The following ASXL2 variants were observed in gnomAD, a reference collection of about 807,000 sequenced individuals.
ASXL2 encodes the protein ASXL transcriptional regulator 2.
A neutral mutation model predicts 122.0 loss-of-function variants in ASXL2; 23 were observed. The ratio of observed to expected loss-of-function variants is 0.19; its 90% CI spans 0.14 to 0.27. The LOEUF (loss-of-function observed/expected upper bound fraction) is 0.27, where lower values mean the gene tolerates loss of function less well. Ranked by LOEUF, ASXL2 falls within the 10% of genes least tolerant of loss-of-function variation. ASXL2 has a pLI of 1.00. For missense variants in ASXL2, 1,518 were observed against 1,713.8 expected, an observed-to-expected ratio of 0.89 and a Z score of 2.02; for synonymous variants, 650 against 637.0, an observed-to-expected ratio of 1.02 and a Z score of -0.31.
At chr2:25,763,988 C>T (rs573115753) in intron 8 of ASXL2, among the ~76,000 whole-genome samples, 30 of 151,900 alleles carry the variant, frequency 2.0e-4, no homozygotes, top group African/African-American at 7.0e-4. Context: ...AACAACAAAC[C>T]AAAAAAACTT....
intron 5 of ASXL2, among the ~76,000 whole-genome samples, chr2:25,782,427 T>A (rs147664051): frequency 2.0e-3 from 311 of 152,020 alleles, no homozygotes; most frequent in African/African-American, 7.4e-3. Context: ...GCGCCTGTAA[T>A]CCCAACTACT....
intron 1 of ASXL2, among the ~76,000 whole-genome samples, chr2:25,874,872 G>A (rs928783238): frequency 1.3e-5 from 2 of 151,872 alleles, no homozygotes; most frequent in Non-Finnish European, 2.9e-5. Context: ...TTGAGCCCAG[G>A]AGTTTGAGAC....
At chr2:25,843,270 C>T (rs916929297) in intron 2 of ASXL2, among the ~76,000 whole-genome samples, 1 of 149,808 alleles carries the variant, frequency 6.7e-6, no homozygotes, top group Non-Finnish European at 1.5e-5. Flanking sequence ...CCGCTGCACT[C>T]CAGCCTGGGC....
intron 5 of ASXL2, among the ~76,000 whole-genome samples, chr2:25,792,436 A>AT (rs893382272): frequency 6.8e-5 from 6 of 88,818 alleles, no homozygotes; most frequent in East Asian, 2.3e-4. Context: ...TTAACAACAC[A>AT]TTTTTTTGTC....
chr2:25,848,716 G>A (rs2089679978), intron 1 of ASXL2, among the ~76,000 whole-genome samples: 1 of 151,872 alleles, frequency 6.6e-6, no homozygotes, highest in Admixed American at 6.6e-5. Context: ...AAGATGTTCT[G>A]TACTTTAATC....
intron 5 of ASXL2, among the ~76,000 whole-genome samples, chr2:25,776,903 C>T (rs917883193): frequency 6.6e-6 from 1 of 152,124 alleles, no homozygotes; most frequent in Non-Finnish European, 1.5e-5. Flanking sequence ...ATTACCAGGA[C>T]AAACTGCTTA....
chr2:25,848,431 G>A (rs2089675339), intron 1 of ASXL2, among the ~76,000 whole-genome samples: 1 of 151,808 alleles, frequency 6.6e-6, no homozygotes, highest in Non-Finnish European at 1.5e-5. Context: ...GACCATCCTG[G>A]CTAACATGGT....
chr2:25,838,390 A>T (rs1227755691), intron 2 of ASXL2, among the ~76,000 whole-genome samples: 14 of 152,214 alleles, frequency 9.2e-5, no homozygotes, highest in Non-Finnish European at 1.8e-4. Context: ...GTTCCAGTTA[A>T]TAACTTTCCT....
At chr2:25,849,649 A>G (rs910593892) in intron 1 of ASXL2, among the ~76,000 whole-genome samples, 13 of 151,298 alleles carry the variant, frequency 8.6e-5, no homozygotes, top group Non-Finnish European at 1.6e-4. Context: ...TAATTTTTGT[A>G]TTTTTTTGTA....
At chr2:25,832,799 C>T (rs9941574) in intron 3 of ASXL2, among the ~76,000 whole-genome samples, 48,704 of 152,018 alleles carry the variant, frequency 0.32, 8,330 homozygotes, top group African/African-American at 0.41. Context: ...TATCATGCAA[C>T]GGATAAACAG....
chr2:25,782,435 A>C (rs2088660395), intron 5 of ASXL2, among the ~76,000 whole-genome samples: 1 of 151,846 alleles, frequency 6.6e-6, no homozygotes, highest in Non-Finnish European at 1.5e-5. Context: ...AATCCCAACT[A>C]CTCAGGAAGC....
chr2:25,827,987 A>C (rs1418411328), intron 3 of ASXL2, among the ~76,000 whole-genome samples: 2 of 152,162 alleles, frequency 1.3e-5, no homozygotes, highest in Non-Finnish European at 2.9e-5. Context: ...ACATCTTCTA[A>C]AAAGCATGGC....
intron 11 of ASXL2, among the ~76,000 whole-genome samples, chr2:25,752,045 T>G (rs2149142000): frequency 6.6e-6 from 1 of 152,290 alleles, no homozygotes; most frequent in African/African-American, 2.4e-5. Flanking sequence ...GCACTGAGAT[T>G]ACAGGTGTGA....
At chr2:25,839,976 T>C (rs1024694256) in intron 2 of ASXL2, among the ~76,000 whole-genome samples, 1 of 151,542 alleles carries the variant, frequency 6.6e-6, no homozygotes, top group Non-Finnish European at 1.5e-5. Flanking sequence ...AGTAATCCTC[T>C]CGTCTCAGCT....
chr2:25,773,514 A>C (rs561120008), intron 5 of ASXL2, among the ~76,000 whole-genome samples: 99 of 151,898 alleles, frequency 6.5e-4, no homozygotes, highest in African/African-American at 2.3e-3. Context: ...AAATACAAAA[A>C]AATTAGCTGG....
intron 5 of ASXL2, among the ~76,000 whole-genome samples, chr2:25,791,459 C>T (rs562368029): frequency 6.6e-6 from 1 of 151,072 alleles, no homozygotes; most frequent in African/African-American, 2.4e-5. Flanking sequence ...TGCACTCCAG[C>T]CTGGGCGACA....
intron 3 of ASXL2, chr2:25,822,673 C>G: frequency 1.5e-6 from 1 of 677,228 alleles, no homozygotes. Flanking sequence ...ATAAAAAAAA[C>G]GGACAGATCA....
chr2:25,823,011 A>G (rs2089330077), intron 3 of ASXL2: 1 of 503,710 alleles, frequency 2.0e-6, no homozygotes, highest in Non-Finnish European at 4.0e-6. Context: ...AGATTTCACA[A>G]TTGAGAGAAT....
At chr2:25,872,840 A>G (rs1453087813) in intron 1 of ASXL2, among the ~76,000 whole-genome samples, 3 of 152,212 alleles carry the variant, frequency 2.0e-5, no homozygotes, top group Non-Finnish European at 4.4e-5. Context: ...TCAAGGAATT[A>G]GCTCACCAAA....
Sources: allele counts gnomAD v4.1 joint callset (sites outside exome capture counted in the v4.1 genomes callset), GRCh38; gene constraint gnomAD v4.1.1; transcripts MANE v1.5; gene names NCBI Gene and HGNC (gene_info 2026-07-23, HGNC 2026-07-21).